The following SLC25A26 variants were observed in gnomAD, a reference collection of about 807,000 sequenced individuals.
SLC25A26 encodes solute carrier family 25 member 26, also known as mitochondrial S-adenosylmethionine carrier protein.
A neutral mutation model predicts 37.8 loss-of-function variants in SLC25A26; 36 were observed. That is an observed-to-expected ratio of 0.95 (90% CI 0.73 to 1.26). The LOEUF is 1.26. Among genes scored for constraint, SLC25A26 ranks in the 50% most tolerant of loss-of-function variants. The probability of loss-of-function intolerance (pLI) is 0.00; values close to 1 mark genes in which losing one functional copy is unlikely to be tolerated. For missense variants in SLC25A26, 390 were observed against 331.1 expected (o/e 1.18, Z -1.38); for synonymous variants, 129 against 122.5 (o/e 1.05, Z -0.35).
At chr3:66,373,674 GA>G (rs1178019277) in intron 9 of SLC25A26, among the ~76,000 whole-genome samples, 1 of 115,926 alleles carries the variant, frequency 8.6e-6, no homozygotes, top group Non-Finnish European at 1.6e-5. Flanking sequence ...GCATGATGCT[GA>G]TTTTTTTTTT....
chr3:66,328,623 C>G (rs1224573960), intron 5 of SLC25A26, among the ~76,000 whole-genome samples: 2 of 152,148 alleles, frequency 1.3e-5, no homozygotes, highest in Non-Finnish European at 2.9e-5. Context: ...TCTTTAAAGT[C>G]TCTCAGCATT....
chr3:66,331,865 G>C (rs1288700200), intron 5 of SLC25A26, among the ~76,000 whole-genome samples: 1 of 152,042 alleles, frequency 6.6e-6, no homozygotes, highest in East Asian at 1.9e-4. Context: ...GATAACTTTG[G>C]AATATTTTCA....
chr3:66,306,129 T>A (rs1461982960), intron 5 of SLC25A26, among the ~76,000 whole-genome samples: 1 of 152,034 alleles, frequency 6.6e-6, no homozygotes, highest in Admixed American at 6.6e-5. Flanking sequence ...GGACTACAGG[T>A]GTGCACCACC....
At position 66,336,745 on chromosome 3, in the gene SLC25A26, G is replaced by C. The variant is rs555892057; in HGVS notation, c.454-9619G>C. Among the ~76,000 whole-genome samples the C allele has an allele frequency of 1.3e-5, 2 of 152,114 alleles. 1 individual carries two copies. The highest frequency in any genetic ancestry group is 1.3e-4 in the Admixed American group (2 of 15,258). On this transcript the variant is annotated intron_variant, in intron 5 of 9. Coordinates refer to ENST00000354883, the MANE Select transcript of SLC25A26 (RefSeq NM_001379210.1). ...ATGAACAAGAATCATCCTGATTGCC[G>C]AGTGACAACTTTAAAAATTGTGGTG...
intron 5 of SLC25A26, among the ~76,000 whole-genome samples, chr3:66,328,197 C>T (rs1473424102): frequency 2.6e-5 from 4 of 152,058 alleles, no homozygotes; most frequent in African/African-American, 4.8e-5. Flanking sequence ...GATGATGATG[C>T]ATTCTTTTGT....
rs184562251 is a variant in SLC25A26, at chr3:66,248,690, C to T, written c.300+5378C>T. On this transcript the variant is annotated intron_variant, in intron 3 of 9. Coordinates refer to ENST00000354883, the MANE Select transcript of SLC25A26 (RefSeq NM_001379210.1). ...ATACACTTAGATGCTGGTAGAGTGTCCTTTTCAAGTGTCCTTTATGGTCCT... is the reference window on the plus strand; with the variant it reads ...ATACACTTAGATGCTGGTAGAGTGTTCTTTTCAAGTGTCCTTTATGGTCCT... 8.1e-3 allele frequency among the ~76,000 whole-genome samples: 1,234 copies of T among 152,230 alleles called. 18 individuals carry two copies. The highest frequency in any genetic ancestry group is 0.029 in the African/African-American group (1,184 of 41,536).
chr3:66,149,110 A>T (rs1226632549), intron 1 of SLC25A26, among the ~76,000 whole-genome samples: 1 of 152,142 alleles, frequency 6.6e-6, no homozygotes, highest in Non-Finnish European at 1.5e-5. Context: ...ATCTCTGTGG[A>T]CATGGGGATA....
chr3:66,319,385 A>G (rs115903697), intron 5 of SLC25A26, among the ~76,000 whole-genome samples: 4,448 of 152,304 alleles, frequency 0.029, 212 homozygotes, highest in African/African-American at 0.1. Context: ...ATACTAGTAT[A>G]TAATGCATCC....
chr3:66,348,012 C>T (rs528422019), intron 6 of SLC25A26, among the ~76,000 whole-genome samples: 1 of 152,156 alleles, frequency 6.6e-6, no homozygotes, highest in African/African-American at 2.4e-5. Context: ...GGAAAAATAG[C>T]TAACACATGC....
chr3:66,245,169 A>G (rs987477921), intron 3 of SLC25A26, among the ~76,000 whole-genome samples: 2 of 151,600 alleles, frequency 1.3e-5, no homozygotes, highest in African/African-American at 4.8e-5. Flanking sequence ...CAGCCTCCCA[A>G]AGTACTGGGA....
chr3:66,161,447 A>G (rs572080996), intron 1 of SLC25A26, among the ~76,000 whole-genome samples: 3 of 152,204 alleles, frequency 2.0e-5, no homozygotes, highest in African/African-American at 7.2e-5. Context: ...AGAAATGGTG[A>G]GCCACAGAAG....
intron 5 of SLC25A26, among the ~76,000 whole-genome samples, chr3:66,302,414 G>A (rs1221510566): frequency 1.3e-5 from 2 of 152,142 alleles, no homozygotes; most frequent in Non-Finnish European, 2.9e-5. Flanking sequence ...ACAGAGTAGC[G>A]GCTGCTTGTT....
At chr3:66,377,223 C>T (rs1002993176) in intron 9 of SLC25A26, among the ~76,000 whole-genome samples, 2 of 152,148 alleles carry the variant, frequency 1.3e-5, no homozygotes, top group African/African-American at 4.8e-5. Flanking sequence ...CCCTTCACAG[C>T]CACAGCCCAT....
intron 5 of SLC25A26, among the ~76,000 whole-genome samples, chr3:66,328,831 T>C (rs2075901915): frequency 6.6e-6 from 1 of 152,174 alleles, no homozygotes; most frequent in Non-Finnish European, 1.5e-5. Flanking sequence ...TTTAAAGTGT[T>C]TTAAGAAATT....
In SLC25A26 at chr3:66,378,049, A is replaced by C; in HGVS notation, c.*242A>C. On this transcript the variant is annotated 3_prime_UTR_variant, in exon 10 of 10. Transcript: ENST00000354883. ...GCGGTACTCTGAACAATTTCCTCAG[A>C]ACCTCTTAATAAATAAGTTTGGTAA... is the stretch of plus-strand genomic sequence containing the variant. 1 of 414,886 alleles carries C rather than the reference A, an allele frequency of 2.4e-6. No individual in the cohort carries two copies. The highest frequency in any genetic ancestry group is 4.3e-6 in the Non-Finnish European group (1 of 231,040). 25.7% of individuals were successfully genotyped at this position (414,886 alleles called of 1,614,324 possible). A position where few individuals can be genotyped will look rare whatever the true frequency, so the allele number is the denominator to read the frequency against.
At chr3:66,194,896 G>A (rs946912922) in intron 1 of SLC25A26, among the ~76,000 whole-genome samples, 3 of 152,124 alleles carry the variant, frequency 2.0e-5, no homozygotes, top group African/African-American at 7.2e-5. Flanking sequence ...ACACCGCGCC[G>A]GGCCCAAAAC....
intron 9 of SLC25A26, among the ~76,000 whole-genome samples, chr3:66,374,153 T>TA (rs1700503571): frequency 6.6e-6 from 1 of 152,260 alleles, no homozygotes; most frequent in Non-Finnish European, 1.5e-5. Context: ...ACAGAAGTAA[T>TA]ACAGGCATAT....
intron 5 of SLC25A26, among the ~76,000 whole-genome samples, chr3:66,315,928 T>G (rs2075526782): frequency 6.6e-6 from 1 of 152,202 alleles, no homozygotes; most frequent in African/African-American, 2.4e-5. Context: ...GAGACTAGGA[T>G]TGTAACACGT....
intron 1 of SLC25A26, among the ~76,000 whole-genome samples, chr3:66,192,256 C>A (rs1315393326): frequency 7.2e-6 from 1 of 139,694 alleles, no homozygotes; most frequent in Non-Finnish European, 1.5e-5. Context: ...GCGGAGGTTG[C>A]AGTGAGCCGA....
Sources: allele counts gnomAD v4.1 joint callset (sites outside exome capture counted in the v4.1 genomes callset), GRCh38; gene constraint gnomAD v4.1.1; transcripts MANE v1.5; gene names NCBI Gene and HGNC (gene_info 2026-07-23, HGNC 2026-07-21).